The following NCOR1 variants were observed in gnomAD, a reference collection of about 807,000 sequenced individuals.
The protein encoded by NCOR1 is protein phosphatase 1, regulatory subunit 109.
NCOR1 carries 63 observed loss-of-function variants against 288.1 expected under a neutral mutation model. The ratio of observed to expected loss-of-function variants is 0.22; its 90% confidence interval spans 0.18 to 0.27. NCOR1 has a LOEUF of 0.27. NCOR1 is among the 10% of genes least tolerant of loss of function. NCOR1 has a pLI of 1.00. For missense variants in NCOR1, 2,397 were observed against 3,019.2 expected (o/e 0.79, Z 4.83); for synonymous variants, 1,007 against 1,065.9 (o/e 0.94, Z 1.08).
intron 27 of NCOR1, among the ~76,000 whole-genome samples, chr17:16,075,288 G>A (rs954903819): frequency 6.6e-6 from 1 of 152,130 alleles, no homozygotes; most frequent in Non-Finnish European, 1.5e-5. Context: ...GACCACAGTC[G>A]ACAATCTTAG....
chr17:16,166,549 G>A (rs57822554), intron 4 of NCOR1, among the ~76,000 whole-genome samples: 2,225 of 151,984 alleles, frequency 0.015, 59 homozygotes, highest in African/African-American at 0.051. Flanking sequence ...GCGTGGTGGC[G>A]GGCACCTGTA....
chr17:16,110,376 AC>A (rs1367829501), intron 18 of NCOR1, among the ~76,000 whole-genome samples: 4 of 152,078 alleles, frequency 2.6e-5, no homozygotes, highest in Non-Finnish European at 5.9e-5. Flanking sequence ...AAACAAAAAA[AC>A]AAAAATTTTT....
chr17:16,081,406 C>T (rs1340937264), intron 23 of NCOR1, among the ~76,000 whole-genome samples: 3 of 147,374 alleles, frequency 2.0e-5, no homozygotes, highest in Non-Finnish European at 4.5e-5. Flanking sequence ...AAAGCTGAAT[C>T]TAGGTAAAAA....
At chr17:16,060,570 C>T (rs2060438538) in intron 37 of NCOR1, among the ~76,000 whole-genome samples, 1 of 152,124 alleles carries the variant, frequency 6.6e-6, no homozygotes, top group African/African-American at 2.4e-5. Context: ...AAAGCCTCAG[C>T]AATGCGGTAG....
chr17:16,118,461 G>T (rs930848552), intron 17 of NCOR1, among the ~76,000 whole-genome samples: 3 of 152,022 alleles, frequency 2.0e-5, no homozygotes, highest in Admixed American at 1.3e-4. Flanking sequence ...ATCCATATTT[G>T]TCCTCAGTCA....
chr17:16,079,862 C>A, intron 26 of NCOR1, 102 bp downstream of exon 26: 1 of 922,744 alleles, frequency 1.1e-6, no homozygotes, highest in South Asian at 1.6e-5. Context: ...TCCCATAATG[C>A]AGAAAAATGA....
At chr17:16,053,008 A>C (rs2152507739) in intron 40 of NCOR1, among the ~76,000 whole-genome samples, 1 of 152,234 alleles carries the variant, frequency 6.6e-6, no homozygotes, top group East Asian at 1.9e-4. Context: ...TCATGTTAAA[A>C]ACTCTCAGTA....
chr17:16,196,424 C>T (rs111832354), intron 1 of NCOR1, among the ~76,000 whole-genome samples: 1 of 152,116 alleles, frequency 6.6e-6, no homozygotes, highest in African/African-American at 2.4e-5. Flanking sequence ...AATCCCAGCA[C>T]TTTGGGAAGT....
rs191179465 is a variant in NCOR1, at chr17:16,153,711, T to C, written c.733-316A>G. 2.9e-3 allele frequency among the ~76,000 whole-genome samples: 443 copies of C among 152,244 alleles called. 1 individual carries two copies. The highest frequency in any genetic ancestry group is 4.8e-3 in the Non-Finnish European group (327 of 68,006). ...GTTTTAAAAAAGCAAACAATTATAT[T>C]AAAAAACTGGAGAGAGGGAATGAAA... On this transcript the variant is annotated intron_variant, in intron 6 of 45. Coordinates refer to ENST00000268712, the MANE Select transcript of NCOR1 (RefSeq NM_006311.4).
chr17:16,136,724 T>C lies in NCOR1; in HGVS notation c.1509+587A>G, dbSNP rs113672660. Among the ~76,000 whole-genome samples, 128 of 150,242 alleles carry C rather than the reference T, an allele frequency of 8.5e-4. 1 individual carries two copies. Among genetic ancestry groups the C allele is most frequent in the African/African-American group, 3.0e-3 (122 of 40,508 alleles). ...CAGGAGGCTGAGGCAGGAGAATCGA[T>C]TGAACCCAGGAGGCGGAGGTTGCAG... On this transcript the variant is annotated intron_variant, in intron 14 of 45. Coordinates refer to ENST00000268712, the MANE Select transcript of NCOR1 (RefSeq NM_006311.4).
intron 1 of NCOR1, among the ~76,000 whole-genome samples, chr17:16,202,731 G>C (rs954786817): frequency 7.9e-5 from 12 of 152,098 alleles, no homozygotes; most frequent in Non-Finnish European, 1.3e-4. Flanking sequence ...CTCAGAGACA[G>C]ATACCTTAAA....
At chr17:16,114,155 A>C (rs1568108006) in intron 18 of NCOR1, among the ~76,000 whole-genome samples, 1 of 149,182 alleles carries the variant, frequency 6.7e-6, no homozygotes, top group African/African-American at 2.5e-5. Context: ...AAAAAAAAAA[A>C]AAAAAAAAAA....
At position 16,213,152 on chromosome 17, in the gene NCOR1, G is replaced by A. The variant is rs1425365040; in HGVS notation, c.-71+2210C>T. 3.3e-5 allele frequency among the ~76,000 whole-genome samples: 5 copies of A among 151,664 alleles called. No homozygotes were observed. In the South Asian group the frequency reaches 6.2e-4, roughly 19 times the overall value. ...CATTTCATTCTTTTTTGATTAAGAG[G>A]ATAGGCAAAACACAAATTTTACTGT... On this transcript the variant is annotated intron_variant, in intron 1 of 45. Coordinates refer to ENST00000268712, the MANE Select transcript of NCOR1 (RefSeq NM_006311.4).
chr17:16,145,855 G>A (rs532387298), intron 10 of NCOR1, among the ~76,000 whole-genome samples: 3 of 150,078 alleles, frequency 2.0e-5, no homozygotes, highest in African/African-American at 7.6e-5. Context: ...CGACTAGAGA[G>A]GGGGGGAAAT....
At chr17:16,039,739 T>A in intron 43 of NCOR1, 85 bp from the exon 44 acceptor site, 1 of 1,209,248 alleles carries the variant, frequency 8.3e-7, no homozygotes, top group Non-Finnish European at 1.2e-6. Flanking sequence ...GCCCACTGAA[T>A]ACACACAGCA....
chr17:16,054,862 G>A (rs2059733171), intron 40 of NCOR1, among the ~76,000 whole-genome samples: 1 of 152,178 alleles, frequency 6.6e-6, no homozygotes, highest in Non-Finnish European at 1.5e-5. Flanking sequence ...AACCTGGGAG[G>A]TGGAGGTTAC....
In NCOR1 at chr17:16,121,061, G is replaced by A; in HGVS notation, c.1843C>T (p.Pro615Ser). Residue 615 changes from proline (P) to serine (S), a missense_variant, in exon 16 of 46, where the codon CCA (proline) becomes TCA (serine). Pro to Ser is a moderately conservative substitution (Grantham distance 74). This residue lies in a region of NCOR1 where 113 missense variants were observed against 139.5 expected (regional missense o/e 0.81). Coordinates refer to ENST00000268712, the MANE Select transcript of NCOR1 (RefSeq NM_006311.4). ...EEPPPPLPPP[P>S]EPISTEPVET... ...AATTGTTTCCACTCACTGGGTTCTG[G>A]TGGCGGTGGCAGAGGTGGTGGGGGC... 1 of 1,613,144 alleles carries A rather than the reference G, an allele frequency of 6.2e-7. No homozygotes were observed. Among genetic ancestry groups the A allele is most frequent in the Non-Finnish European group, 8.5e-7 (1 of 1,179,442 alleles).
chr17:16,149,243 A>G (rs2078486753), intron 9 of NCOR1, among the ~76,000 whole-genome samples: 1 of 150,340 alleles, frequency 6.7e-6, no homozygotes, highest in Non-Finnish European at 1.5e-5. Flanking sequence ...ATTTGATAAT[A>G]TTAAATGTAA....
At chr17:16,095,393 T>TG (rs1598516473) in intron 21 of NCOR1, among the ~76,000 whole-genome samples, 3 of 141,178 alleles carry the variant, frequency 2.1e-5, no homozygotes, top group South Asian at 2.3e-4. Flanking sequence ...GGGAGGGAGG[T>TG]GGGGGGTCAG....
Sources: gnomAD v4.1 joint callset for allele counts (sites outside exome capture counted in the v4.1 genomes callset) on GRCh38, gnomAD v4.1.1 for gene constraint, gnomAD v4.1.1 regional missense constraint, MANE v1.5 for transcripts, NCBI Gene and HGNC (gene_info 2026-07-23, HGNC 2026-07-21) for gene names.